Variants in GLIS3 observed in about 807,000 individuals in gnomAD.
GLIS3 encodes zinc finger protein GLIS3.
Under a neutral mutation model 78.6 loss-of-function variants are expected in GLIS3, and 53 were observed. The observed-to-expected ratio is 0.67, with a 90% CI of 0.54 to 0.85. The LOEUF is 0.85. Among genes scored for constraint, GLIS3 ranks in the 40% least tolerant of loss-of-function variants. The pLI, the probability that GLIS3 is intolerant of heterozygous loss-of-function variation, is 0.00. For synonymous variants in GLIS3, 684 were observed against 509.9 expected (o/e 1.34, Z -4.60); for missense variants, 1,703 against 1,231.1 (o/e 1.38, Z -5.74).
chr9:4,072,525 C>T (rs942616929), intron 4 of GLIS3, among the ~76,000 whole-genome samples: 2 of 151,994 alleles, frequency 1.3e-5, no homozygotes, highest in African/African-American at 4.8e-5. Context: ...GTGGGTGTTT[C>T]TTTAAAACTT....
chr9:4,425,378 C>G, the GLIS3 span, among the ~76,000 whole-genome samples: 2 of 152,170 alleles, frequency 1.3e-5, no homozygotes, highest in East Asian at 3.8e-4. Flanking sequence ...TTCCATGAAT[C>G]AAAGGATTTG....
chr9:4,436,363 A>C, the GLIS3 span, among the ~76,000 whole-genome samples: 1 of 152,252 alleles, frequency 6.6e-6, no homozygotes, highest in East Asian at 1.9e-4. Context: ...GTTAATAGGA[A>C]ATAAGATAAA....
chr9:4,139,289 G>T (rs1564105659), intron 2 of GLIS3, among the ~76,000 whole-genome samples: 1 of 152,186 alleles, frequency 6.6e-6, no homozygotes, highest in Non-Finnish European at 1.5e-5. Context: ...AGCAATGACT[G>T]GTATCCCCCA....
chr9:4,174,874 T>G (rs1333168445), intron 2 of GLIS3, among the ~76,000 whole-genome samples: 1 of 152,228 alleles, frequency 6.6e-6, no homozygotes, highest in Non-Finnish European at 1.5e-5. Context: ...AATTTTAGTT[T>G]ATTCCAACAA....
chr9:4,117,839 G>C lies in GLIS3; in HGVS notation c.1639C>G (p.Pro547Ala). ...FWAGCPRRYK[P>A]FNARYKLLIH... ...AGCAGTTTATAGCGGGCGTTGAAGG[G>C]CTTGTATCTTCGAGGGCAACCGGCC... Residue 547 changes from proline (P) to alanine (A), a missense_variant, in exon 4 of 11, where the codon CCC (proline) becomes GCC (alanine). Transcript: ENST00000381971. 6.2e-7 allele frequency: 1 copy of C among 1,614,158 alleles called. No individual in the cohort carries two copies. The highest frequency in any genetic ancestry group is 8.5e-7 in the Non-Finnish European group (1 of 1,180,022).
intron 4 of GLIS3, among the ~76,000 whole-genome samples, chr9:4,029,637 C>G (rs1390529490): frequency 1.3e-5 from 2 of 151,806 alleles, no homozygotes; most frequent in Non-Finnish European, 2.9e-5. Context: ...AACCATCCTT[C>G]TATTCTCCAT....
intron 4 of GLIS3, among the ~76,000 whole-genome samples, chr9:4,056,751 A>T (rs1826185069): frequency 6.6e-6 from 1 of 152,152 alleles, no homozygotes; most frequent in Non-Finnish European, 1.5e-5. Context: ...TATGACGTCA[A>T]ATGGGCACTT....
intron 2 of GLIS3, among the ~76,000 whole-genome samples, chr9:4,144,679 C>G (rs1309221576): frequency 6.6e-6 from 1 of 152,104 alleles, no homozygotes; most frequent in Non-Finnish European, 1.5e-5. Context: ...CAAAATCAAC[C>G]ATGAGTAGGG....
At chr9:4,315,937 CAA>C (rs762122490) in intron 2 of GLIS3, among the ~76,000 whole-genome samples, 1 of 152,104 alleles carries the variant, frequency 6.6e-6, no homozygotes, top group Non-Finnish European at 1.5e-5. Flanking sequence ...CCTGAAACAC[CAA>C]GTTGTTCACA....
intron 4 of GLIS3, among the ~76,000 whole-genome samples, chr9:4,103,289 C>G (rs1013021872): frequency 1.3e-5 from 2 of 152,032 alleles, no homozygotes; most frequent in African/African-American, 4.8e-5. Context: ...AGCACAGGAG[C>G]CTTGAACATT....
intron 2 of GLIS3, among the ~76,000 whole-genome samples, chr9:4,207,262 A>C (rs6476826): frequency 0.67 from 102,005 of 152,046 alleles, 34,516 homozygotes; most frequent in Middle Eastern, 0.72. Flanking sequence ...GGGAAGGTGG[A>C]CTCTGCCAGC....
At chr9:4,202,825 G>A (rs1029062930) in intron 2 of GLIS3, among the ~76,000 whole-genome samples, 2 of 152,056 alleles carry the variant, frequency 1.3e-5, no homozygotes, top group African/African-American at 4.8e-5. Flanking sequence ...AAGTCAAGAT[G>A]GATTAAAGAT....
At chr9:4,285,859 C>A in intron 2 of GLIS3, 179 bp downstream of exon 2, 1 of 708,986 alleles carries the variant, frequency 1.4e-6, no homozygotes, top group Admixed American at 2.2e-5. Context: ...CCACTGTGGT[C>A]CCCTCCAACA....
Position 4,243,458 on chromosome 9 carries a change from A to C in GLIS3, c.388+42580T>G, listed in dbSNP as rs115797264. Among the ~76,000 whole-genome samples the C allele has an allele frequency of 5.2e-3, 796 of 152,284 alleles. 5 individuals are homozygous for C. The highest frequency in any genetic ancestry group is 0.018 in the African/African-American group (757 of 41,560). On this transcript the variant is annotated intron_variant, in intron 2 of 10. Transcript: ENST00000381971. ...ACAGGTATACACATTTAGTACTAAC[A>C]CCAGGGTAATCTTGAAAACTGCCAA...
chr9:4,361,958 A>T, the GLIS3 span, among the ~76,000 whole-genome samples: 1 of 152,260 alleles, frequency 6.6e-6, no homozygotes, highest in Non-Finnish European at 1.5e-5. Flanking sequence ...GAAAATATGC[A>T]AGCAGTTTAA....
intron 2 of GLIS3, among the ~76,000 whole-genome samples, chr9:4,344,698 C>G (rs1349406627): frequency 6.6e-6 from 1 of 152,136 alleles, no homozygotes; most frequent in African/African-American, 2.4e-5. Context: ...CTTGGATGAC[C>G]AAGAGGCATC....
At chr9:4,316,489 AAAAC>A (rs1406086295) in intron 2 of GLIS3, among the ~76,000 whole-genome samples, 1 of 152,258 alleles carries the variant, frequency 6.6e-6, no homozygotes, top group African/African-American at 2.4e-5. Context: ...ATTGATGAGA[AAAAC>A]AAAATCAGTT....
In GLIS3 at chr9:3,856,180, C is replaced by T. The variant is rs1274042268; in HGVS notation, c.2302G>A (p.Ala768Thr). The part of the protein sequence containing the change: ...TAVDAGAERF[A>T]PSAPSPHHIS... ...TGGTGAGGAGATGGAGCAGAAGGTG[C>T]AAACCTGAGAAAACAATTATAAAAG... The change falls in exon 9 of 11, where the codon GCA becomes ACA. Residue 768 changes from alanine (A) to threonine (T), a missense_variant. Transcript: ENST00000381971. 11 of 1,613,484 alleles carry T rather than the reference C, an allele frequency of 6.8e-6. No individual in the cohort carries two copies. The highest frequency in any genetic ancestry group is 9.3e-6 in the Non-Finnish European group (11 of 1,179,720).
chr9:3,985,003 A>G (rs1273933056), intron 4 of GLIS3, among the ~76,000 whole-genome samples: 1 of 152,064 alleles, frequency 6.6e-6, no homozygotes, highest in Non-Finnish European at 1.5e-5. Context: ...GTGGAACTGT[A>G]AATCCATTAA....
Sources: allele counts gnomAD v4.1 joint callset (sites outside exome capture counted in the v4.1 genomes callset), GRCh38; gene constraint gnomAD v4.1.1; transcripts MANE v1.5; gene names NCBI Gene and HGNC (gene_info 2026-07-23, HGNC 2026-07-21).